The following TSPAN4 variants were observed in gnomAD, a reference collection of about 807,000 sequenced individuals.
TSPAN4 encodes tetraspanin-4.
In TSPAN4, 38 loss-of-function variants were observed where a neutral mutation model predicts 31.5. The observed-to-expected ratio is 1.21, with a 90% CI of 0.93 to 1.58. The LOEUF is 1.58. Ranked by LOEUF, TSPAN4 falls within the 40% of genes most tolerant of loss-of-function variation. The probability of loss-of-function intolerance (pLI) is 0.00; values close to 1 mark genes in which losing one functional copy is unlikely to be tolerated. For missense variants in TSPAN4, 330 were observed against 317.3 expected, an observed-to-expected ratio of 1.04 and a Z score of -0.30; for synonymous variants, 186 against 144.6, an observed-to-expected ratio of 1.29 and a Z score of -2.06.
Position 848,784 on chromosome 11 carries a change from G to C in TSPAN4, c.-18+1484G>C. The C allele has an allele frequency of 1.8e-6, 1 of 565,476 alleles. No individual in the cohort carries two copies. Among genetic ancestry groups the C allele is most frequent in the Non-Finnish European group, 3.2e-6 (1 of 311,672 alleles). The allele number at this position is 565,476 out of a possible 1,614,324, so 35.0% of individuals were successfully genotyped here. ...ATCTTCCCAACACCGCAGGGCCCTT[G>C]TGCCCTGTGGTGGGGCTGGGGCTTC... is the stretch of plus-strand genomic sequence containing the variant. On this transcript the variant is annotated intron_variant, in intron 2 of 8. Coordinates refer to ENST00000397397, the MANE Select transcript of TSPAN4 (RefSeq NM_003271.5). This position sits in a 1 kb window ranked among gnomAD's most constrained non-coding sequence, Gnocchi z 5.7.
At chr11:851,094 G>A (rs1412764242) in intron 3 of TSPAN4, among the ~76,000 whole-genome samples, 1 of 152,222 alleles carries the variant, frequency 6.6e-6, no homozygotes, top group East Asian at 1.9e-4. Flanking sequence ...GGTAGAGGGC[G>A]GACAGGGTTC....
Position 847,615 on chromosome 11 carries a change from C to A in TSPAN4, c.-18+315C>A, listed in dbSNP as rs145356207. ...CAAGCCCAGCTCCCCGCCCCCACCC[C>A]CCCCCAACCCCGCTCCTCCTGACCC... On this transcript the variant is annotated intron_variant, in intron 2 of 8. Transcript: ENST00000397397. Among the ~76,000 whole-genome samples the A allele has an allele frequency of 8.1e-3, 1,225 of 151,118 alleles. 4 individuals are homozygous for A. The highest frequency in any genetic ancestry group is 0.013 in the Non-Finnish European group (861 of 67,662).
In TSPAN4 at chr11:848,461, TCTACAGAGCCCTTGGGGGGCAGCAGAGG is replaced by T. The variant is rs1382584996; in HGVS notation, c.-18+1164_-18+1191del. Among the ~76,000 whole-genome samples the T allele has an allele frequency of 6.6e-6, 1 of 151,948 alleles. No homozygotes were observed. The highest frequency in any genetic ancestry group is 1.5e-5 in the Non-Finnish European group (1 of 67,944). ...TGCCCTGGGGCTTGGGCTGCAGTTCTCTACAGAGCCCTTGGGGGGCAGCAGAGGCTTGGGGCACCCAGCCCAGGTCGTC... is the reference window on the plus strand; with the variant it reads ...TGCCCTGGGGCTTGGGCTGCAGTTCTCTTGGGGCACCCAGCCCAGGTCGTC... On this transcript the variant is annotated intron_variant, in intron 2 of 8. Coordinates refer to ENST00000397397, the MANE Select transcript of TSPAN4 (RefSeq NM_003271.5). The surrounding 1 kb of genome is among the most constrained non-coding windows in gnomAD (Gnocchi z 5.7).
At chr11:855,328 C>A (rs1196573729) in intron 3 of TSPAN4, among the ~76,000 whole-genome samples, 1 of 152,192 alleles carries the variant, frequency 6.6e-6, no homozygotes, top group Non-Finnish European at 1.5e-5. Context: ...TCCAGCCGCG[C>A]TTGTGCGATG....
chr11:866,270 G>A (rs1249232698), intron 8 of TSPAN4, among the ~76,000 whole-genome samples: 1 of 152,110 alleles, frequency 6.6e-6, no homozygotes, highest in African/African-American at 2.4e-5. Flanking sequence ...AGTGCACAGA[G>A]GGTGGCAGCT....
chr11:854,976 C>T (rs542827316), intron 3 of TSPAN4, among the ~76,000 whole-genome samples: 27 of 152,352 alleles, frequency 1.8e-4, no homozygotes, highest in African/African-American at 6.3e-4. Context: ...CGCTGGCAAC[C>T]ACAGCGTGTC....
intron 5 of TSPAN4, chr11:864,817 C>T (rs924130186): frequency 8.6e-5 from 44 of 509,402 alleles, no homozygotes; most frequent in Middle Eastern, 5.2e-4. Flanking sequence ...CCATCCGGGC[C>T]GCGCACCGTG....
chr11:864,386 C>T (rs367555990), intron 4 of TSPAN4, 51 bp from the exon 5 acceptor site: 54 of 1,602,606 alleles, frequency 3.4e-5, no homozygotes, highest in African/African-American at 2.7e-4. Context: ...TGCTGTGGGG[C>T]GGAGGCTGTG....
At chr11:854,452 C>T (rs1365047990) in intron 3 of TSPAN4, among the ~76,000 whole-genome samples, 1 of 151,994 alleles carries the variant, frequency 6.6e-6, no homozygotes, top group African/African-American at 2.4e-5. Flanking sequence ...TGGCCTGGCT[C>T]GGGGGTTGAA....
At chr11:850,833 C>T (rs956871922) in intron 3 of TSPAN4, among the ~76,000 whole-genome samples, 1 of 152,256 alleles carries the variant, frequency 6.6e-6, no homozygotes, top group Non-Finnish European at 1.5e-5. Flanking sequence ...GGCGACCTGT[C>T]GGGCCCAGGG....
At chr11:862,310 C>G (rs1230868139) in intron 3 of TSPAN4, 3 of 547,550 alleles carry the variant, frequency 5.5e-6, no homozygotes, top group Non-Finnish European at 9.7e-6. Flanking sequence ...AGGGAGCCTC[C>G]CCGACTGTGG....
Position 862,643 on chromosome 11 carries a change from G to C in TSPAN4, c.157G>C (p.Ala53Pro). The C allele has an allele frequency of 6.2e-7, 1 of 1,613,364 alleles. No homozygotes were observed. Among genetic ancestry groups the C allele is most frequent in the Non-Finnish European group, 8.5e-7 (1 of 1,179,890 alleles). Residue 53 changes from alanine to proline, a missense_variant, in exon 4 of 9, where the codon GCT becomes CCT. Coordinates refer to ENST00000397397, the MANE Select transcript of TSPAN4 (RefSeq NM_003271.5). ...GTCCTCTTCCTTCCCGTCCCTGTCG[G>C]CTGCCAACTTGCTCATCATCACCGG... ...TLSSSFPSLS[A>P]ANLLIITGAF...
chr11:866,677 T>C lies in TSPAN4; in HGVS notation c.*47T>C. 1.3e-6 allele frequency: 2 copies of C among 1,562,128 alleles called. No homozygotes were observed. Among genetic ancestry groups the C allele is most frequent in the Non-Finnish European group, 1.7e-6 (2 of 1,146,490 alleles). On this transcript the variant is annotated 3_prime_UTR_variant, in exon 9 of 9. Transcript: ENST00000397397. ...TGCCAAAAGGACGCCCACGGGGAGA[T>C]GGCCGCACCCACAGCTGCCTTTCCC... is the stretch of plus-strand genomic sequence containing the variant.
chr11:855,918 C>T lies in TSPAN4; in HGVS notation c.63+5551C>T, dbSNP rs186941428. ...CGTGGCTGGCAGCCCAGCCATCTGCCACAAAGCCGCATGGCCAGAGGGGCA... is the reference window on the plus strand; with the variant it reads ...CGTGGCTGGCAGCCCAGCCATCTGCTACAAAGCCGCATGGCCAGAGGGGCA... On this transcript the variant is annotated intron_variant, in intron 3 of 8. Coordinates refer to ENST00000397397, the MANE Select transcript of TSPAN4 (RefSeq NM_003271.5). Among the ~76,000 whole-genome samples, 1,059 of 152,342 alleles carry T rather than the reference C, an allele frequency of 7.0e-3. 47 individuals carry two copies. Among genetic ancestry groups the T allele is most frequent in the Admixed American group, 0.063 (969 of 15,312 alleles).
At chr11:866,112 C>A in intron 8 of TSPAN4, 111 bp downstream of exon 8, 1 of 1,220,192 alleles carries the variant, frequency 8.2e-7, no homozygotes, top group Non-Finnish European at 1.2e-6. Flanking sequence ...TCGGGGGAGG[C>A]CGGGGCAAAA....
chr11:844,704 TC>T (rs1197003663), intron 1 of TSPAN4: 1 of 84,644 alleles, frequency 1.2e-5, no homozygotes, highest in East Asian at 4.6e-4. Context: ...CGGCCTGGCT[TC>T]TGGGGGGGGG....
chr11:853,374 C>T (rs905191680), intron 3 of TSPAN4, among the ~76,000 whole-genome samples: 1 of 152,180 alleles, frequency 6.6e-6, no homozygotes, highest in Non-Finnish European at 1.5e-5. Context: ...CCTGAGCCCC[C>T]CTCCACACCC....
intron 2 of TSPAN4, among the ~76,000 whole-genome samples, chr11:849,243 C>T (rs933442397): frequency 3.3e-5 from 5 of 152,134 alleles, no homozygotes; most frequent in African/African-American, 1.2e-4. Context: ...TCTCAGGAAT[C>T]ACACCTGCGC....
chr11:862,288 T>C, intron 3 of TSPAN4: 2 of 523,964 alleles, frequency 3.8e-6, no homozygotes, highest in Non-Finnish European at 6.7e-6. Context: ...GAGGGAGTGG[T>C]TCAGAGGCAC....
Sources: gnomAD v4.1 joint callset for allele counts (sites outside exome capture counted in the v4.1 genomes callset) on GRCh38, gnomAD v4.1.1 for gene constraint, Gnocchi (gnomAD v3.1) non-coding constraint, MANE v1.5 for transcripts, NCBI Gene and HGNC (gene_info 2026-07-23, HGNC 2026-07-21) for gene names.